GGH: variants seen among roughly 807,000 people sequenced by gnomAD.
GGH encodes gamma-glutamyl hydrolase.
Under a neutral mutation model 39.2 loss-of-function variants are expected in GGH, and 18 were observed. The observed-to-expected ratio is 0.46, with a 90% CI of 0.32 to 0.68. The LOEUF (loss-of-function observed/expected upper bound fraction) is 0.68. Among genes scored for constraint, GGH ranks in the 30% least tolerant of loss-of-function variants. GGH has a pLI of 0.04. For missense variants in GGH, 367 were observed against 384.1 expected (o/e 0.96, Z 0.37); for synonymous variants, 147 against 138.8 (o/e 1.06, Z -0.42).
chr8:63,028,650 T>C (rs970379324), intron 3 of GGH, among the ~76,000 whole-genome samples: 2 of 152,152 alleles, frequency 1.3e-5, no homozygotes, highest in Non-Finnish European at 2.9e-5. Context: ...AGTGCAGCTT[T>C]CAGTGACTAC....
chr8:63,038,588 C>CGGGGGGGGG, intron 1 of GGH, 72 bp downstream of exon 1: 1 of 754,240 alleles, frequency 1.3e-6, no homozygotes, highest in African/African-American at 1.8e-5. Flanking sequence ...AGCTGGAGCG[C>CGGGGGGGGG]GGCGGCGGGA....
At chr8:63,035,977 T>G (rs1307658055) in intron 1 of GGH, among the ~76,000 whole-genome samples, 2 of 152,122 alleles carry the variant, frequency 1.3e-5, no homozygotes, top group Non-Finnish European at 2.9e-5. Context: ...CTCACCTCAT[T>G]AGGGAGGCCA....
At chr8:63,032,686 C>T (rs891752623) in intron 2 of GGH, among the ~76,000 whole-genome samples, 2 of 152,168 alleles carry the variant, frequency 1.3e-5, no homozygotes, top group African/African-American at 2.4e-5. Flanking sequence ...GGTAATCCTT[C>T]ACAGGCTAGT....
chr8:63,018,576 C>G (rs755122785), intron 7 of GGH, among the ~76,000 whole-genome samples: 1 of 152,188 alleles, frequency 6.6e-6, no homozygotes, highest in Non-Finnish European at 1.5e-5. Context: ...TGGGTATTCA[C>G]GAGAGGAAAC....
intron 3 of GGH, among the ~76,000 whole-genome samples, chr8:63,028,910 C>A (rs1804749756): frequency 6.6e-6 from 1 of 152,114 alleles, no homozygotes; most frequent in South Asian, 2.1e-4. Flanking sequence ...TTTTGAGGTT[C>A]TACTATTATA....
In GGH at chr8:63,035,701, T is replaced by C. The variant is rs369357967; in HGVS notation, c.179A>G (p.Tyr60Cys). 9 of 1,613,668 alleles carry C rather than the reference T, an allele frequency of 5.6e-6. No individual in the cohort carries two copies. Among genetic ancestry groups the C allele is most frequent in the Admixed American group, 3.3e-5 (2 of 59,978 alleles). The change falls in exon 2 of 9, where the codon TAT becomes TGT. Residue 60 changes from tyrosine (Y) to cysteine (C), a missense_variant. Tyr to Cys is a radical substitution (Grantham distance 194). Transcript: ENST00000260118. ...NYGRYYIAASYVKYLESAGAR... is the reference protein window; with the variant it reads ...NYGRYYIAASCVKYLESAGAR... ...ACCTGCAGACTCCAAGTACTTTACA[T>C]AGGACGCAGCAATATAGTATCTTCC... is the stretch of plus-strand genomic sequence containing the variant.
intron 7 of GGH, 114 bp from the exon 8 acceptor site, chr8:63,017,744 T>A: frequency 1.6e-6 from 1 of 622,274 alleles, no homozygotes; most frequent in Non-Finnish European, 2.7e-6. Flanking sequence ...TCAGACAAGG[T>A]AAAATTGTAC....
At chr8:63,023,056 C>T (rs941758032) in intron 7 of GGH, among the ~76,000 whole-genome samples, 1 of 152,144 alleles carries the variant, frequency 6.6e-6, no homozygotes, top group Non-Finnish European at 1.5e-5. Context: ...CACTCATTTT[C>T]CTTCAAACTT....
chr8:63,016,402 A>G (rs1804488535), intron 8 of GGH, among the ~76,000 whole-genome samples: 1 of 152,150 alleles, frequency 6.6e-6, no homozygotes, highest in Non-Finnish European at 1.5e-5. Flanking sequence ...ACTCAGTAGG[A>G]AGTACTTGAC....
intron 1 of GGH, among the ~76,000 whole-genome samples, chr8:63,036,609 G>A (rs1209200367): frequency 6.6e-6 from 1 of 152,118 alleles, no homozygotes; most frequent in East Asian, 1.9e-4. Flanking sequence ...TCTTCAACAC[G>A]GTGGCCAGGC....
At chr8:63,037,514 A>G (rs1458558691) in intron 1 of GGH, among the ~76,000 whole-genome samples, 3 of 152,212 alleles carry the variant, frequency 2.0e-5, no homozygotes, top group Non-Finnish European at 2.9e-5. Context: ...CCAATAATTT[A>G]AGGCCATCTC....
At chr8:63,022,584 T>C (rs1303567129) in intron 7 of GGH, among the ~76,000 whole-genome samples, 1 of 152,130 alleles carries the variant, frequency 6.6e-6, no homozygotes, top group East Asian at 1.9e-4. Flanking sequence ...AGAGTAAGTC[T>C]TACTCTGTCG....
chr8:63,023,883 A>T (rs1339927306), intron 7 of GGH, 24 bp downstream of exon 7: 1 of 1,361,100 alleles, frequency 7.3e-7, no homozygotes, highest in African/African-American at 1.5e-5. Context: ...AGTGAAATAA[A>T]GTATACATGT....
rs80174438 is a variant in GGH at position 63,035,643 on chromosome 8, C to T, written c.224+13G>A. 2 of 1,540,252 alleles carry T rather than the reference C, an allele frequency of 1.3e-6. No individual in the cohort carries two copies. The highest frequency in any genetic ancestry group is 4.1e-5 in the Admixed American group (2 of 49,278). On this transcript the variant is annotated intron_variant, in intron 2 of 8. Coordinates refer to ENST00000260118, the MANE Select transcript of GGH (RefSeq NM_003878.3). ...ATACAGAGTAAAAAAAAAAAAAAAACACTGAATCATACCTTACTGGTACAA... is the reference window on the plus strand; with the variant it reads ...ATACAGAGTAAAAAAAAAAAAAAAATACTGAATCATACCTTACTGGTACAA...
At chr8:63,017,239 C>A in intron 8 of GGH, 1 of 371,008 alleles carries the variant, frequency 2.7e-6, no homozygotes. Context: ...TCTCAACATT[C>A]TTCACACTGT....
At chr8:63,024,505 AAC>A (rs1804649245) in intron 5 of GGH, 1 of 204,222 alleles carries the variant, frequency 4.9e-6, no homozygotes, top group East Asian at 1.3e-4. Flanking sequence ...TATTCTGAAA[AAC>A]AGTTAAAACT....
chr8:63,029,901 A>T, intron 3 of GGH: 1 of 273,086 alleles, frequency 3.7e-6, no homozygotes, highest in Non-Finnish European at 6.8e-6. Context: ...AAGCATTAAA[A>T]GAACAAAGAT....
In GGH at chr8:63,017,480, A is replaced by C; in HGVS notation, c.835+13T>G. The C allele has an allele frequency of 6.3e-7, 1 of 1,590,818 alleles. No individual in the cohort carries two copies. Among genetic ancestry groups the C allele is most frequent in the Non-Finnish European group, 8.6e-7 (1 of 1,166,710 alleles). On this transcript the variant is annotated intron_variant, in intron 8 of 8. Transcript: ENST00000260118. ...CTACCCCAGAATAACAAAATTATGT[A>C]CCCTCATATTACCTTCATTAACAAA...
chr8:63,015,187 T>C lies in GGH; in HGVS notation c.*145A>G, dbSNP rs17279558. 38,444 of 456,010 alleles carry C rather than the reference T, an allele frequency of 0.084. 1,888 individuals are homozygous for C. Among genetic ancestry groups the C allele is most frequent in the South Asian group, 0.17 (3,324 of 19,470 alleles). 28.2% of individuals were successfully genotyped at this position (456,010 alleles called of 1,614,324 possible). On this transcript the variant is annotated 3_prime_UTR_variant, in exon 9 of 9. Transcript: ENST00000260118. ...ATTTAATTATCTAATGTTATATAAA[T>C]AGTCACATACAGAATGAAGAATCAG... is the stretch of plus-strand genomic sequence containing the variant.
Sources: allele counts gnomAD v4.1 joint callset (sites outside exome capture counted in the v4.1 genomes callset), GRCh38; gene constraint gnomAD v4.1.1; transcripts MANE v1.5; gene names NCBI Gene and HGNC (gene_info 2026-07-23, HGNC 2026-07-21).